The following DDI2 variants were observed in gnomAD, a reference collection of about 807,000 sequenced individuals.
DDI2 encodes the protein protein DDI1 homolog 2.
Under a neutral mutation model 48.1 loss-of-function variants are expected in DDI2, and 5 were observed. The ratio of observed to expected loss-of-function variants is 0.10; its 90% confidence interval spans 0.05 to 0.22. The LOEUF is 0.22. Among genes scored for constraint, DDI2 ranks in the 10% least tolerant of loss-of-function variants. DDI2 has a pLI of 1.00. For synonymous variants in DDI2, 205 were observed against 183.6 expected, an observed-to-expected ratio of 1.12 and a Z score of -0.94; for missense variants, 285 against 506.2, an observed-to-expected ratio of 0.56 and a Z score of 4.19.
chr1:15,667,821 T>G lies in DDI2; in HGVS notation c.*8031T>G, dbSNP rs1325448291. 6.6e-6 allele frequency: 1 copy of G among 152,226 alleles called. No homozygotes were observed. The highest frequency in any genetic ancestry group is 1.5e-5 in the Non-Finnish European group (1 of 68,038). The allele number at this position is 152,226 out of a possible 1,614,324, so 9.4% of individuals were successfully genotyped here. A position where few individuals can be genotyped will look rare whatever the true frequency, so the allele number is the denominator to read the frequency against. ...TTCTCAAAGGTTTATCAGTTATGTA[T>G]TGATGATTGGTAATCTAGACCCTCT... On this transcript the variant is annotated 3_prime_UTR_variant, in exon 10 of 10. Transcript: ENST00000480945.
rs1288336656 is a variant in DDI2 at position 15,665,310 on chromosome 1, G to A, written c.*5520G>A. 1.3e-5 allele frequency: 2 copies of A among 151,812 alleles called. No homozygotes were observed. Among genetic ancestry groups the A allele is most frequent in the African/African-American group, 4.9e-5 (2 of 40,970 alleles). 9.4% of individuals were successfully genotyped at this position (151,812 alleles called of 1,614,324 possible). A position where few individuals can be genotyped will look rare whatever the true frequency, so the allele number is the denominator to read the frequency against. On this transcript the variant is annotated 3_prime_UTR_variant, in exon 10 of 10. Transcript: ENST00000480945. ...ACCAGTTGCTTGGCAAAGGAAGCTG[G>A]AGAGATGGCGAGTGCATGTGTTAAA...
At chr1:15,637,678 A>G (rs1316787315) in intron 4 of DDI2, among the ~76,000 whole-genome samples, 1 of 152,200 alleles carries the variant, frequency 6.6e-6, no homozygotes, top group African/African-American at 2.4e-5. Flanking sequence ...AGCATGTTGA[A>G]TTTTTAAACA....
At chr1:15,633,629 T>C in intron 4 of DDI2, 64 bp downstream of exon 4, 1 of 1,592,864 alleles carries the variant, frequency 6.3e-7, no homozygotes, top group Non-Finnish European at 8.6e-7. Flanking sequence ...CTGCAGGTTA[T>C]CTGACATTGG....
intron 8 of DDI2, among the ~76,000 whole-genome samples, chr1:15,653,394 C>T (rs1023289058): frequency 6.6e-6 from 1 of 151,976 alleles, no homozygotes; most frequent in Non-Finnish European, 1.5e-5. Context: ...CAGATCCTCT[C>T]GCCTCCGCCT....
At chr1:15,645,205 T>C (rs1640071823) in intron 6 of DDI2, among the ~76,000 whole-genome samples, 1 of 152,262 alleles carries the variant, frequency 6.6e-6, no homozygotes, top group South Asian at 2.1e-4. Flanking sequence ...TTTTTCTTCT[T>C]TGAAGCTTGT....
chr1:15,624,699 G>A (rs1219403153), intron 1 of DDI2, among the ~76,000 whole-genome samples: 3 of 151,962 alleles, frequency 2.0e-5, no homozygotes, highest in Non-Finnish European at 2.9e-5. Context: ...CAAACTCCAG[G>A]GCTTAACCCA....
chr1:15,654,083 T>G (rs1640233840), intron 8 of DDI2, among the ~76,000 whole-genome samples: 1 of 152,224 alleles, frequency 6.6e-6, no homozygotes, highest in Non-Finnish European at 1.5e-5. Flanking sequence ...TACAGTCTTG[T>G]GCTGGCATTA....
intron 4 of DDI2, among the ~76,000 whole-genome samples, chr1:15,638,078 G>A (rs1308785654): frequency 6.6e-6 from 1 of 152,136 alleles, no homozygotes; most frequent in African/African-American, 2.4e-5. Context: ...GCGGCTTAGT[G>A]TTTTACAAAG....
At chr1:15,656,792 T>G in intron 9 of DDI2, 113 bp downstream of exon 9, 2 of 1,483,910 alleles carry the variant, frequency 1.3e-6, no homozygotes, top group Non-Finnish European at 1.8e-6. Context: ...TTCACCTTGT[T>G]CAATCTGGTT....
chr1:15,643,993 T>C (rs998180630), intron 6 of DDI2, among the ~76,000 whole-genome samples: 5 of 152,232 alleles, frequency 3.3e-5, no homozygotes, highest in Non-Finnish European at 7.3e-5. Flanking sequence ...CATATGACTG[T>C]GTTTGAGAGC....
At position 15,660,040 on chromosome 1, in the gene DDI2, G is replaced by C; in HGVS notation, c.*250G>C. ...ACCTAAAGCTGTGAAGGCTTTGAAGGCTTCAGCTGAATTCCAGCTAAACTC... is the reference window on the plus strand; with the variant it reads ...ACCTAAAGCTGTGAAGGCTTTGAAGCCTTCAGCTGAATTCCAGCTAAACTC... On this transcript the variant is annotated 3_prime_UTR_variant, in exon 10 of 10. Coordinates refer to ENST00000480945, the MANE Select transcript of DDI2 (RefSeq NM_032341.5). 1 of 1,614,002 alleles carries C rather than the reference G, an allele frequency of 6.2e-7. No homozygotes were observed. Among genetic ancestry groups the C allele is most frequent in the Non-Finnish European group, 8.5e-7 (1 of 1,179,990 alleles).
intron 8 of DDI2, among the ~76,000 whole-genome samples, chr1:15,653,512 A>G (rs1296201299): frequency 6.6e-6 from 1 of 152,130 alleles, no homozygotes; most frequent in Non-Finnish European, 1.5e-5. Context: ...AAGACAGAAG[A>G]ACCAACAAAA....
Position 15,617,823 on chromosome 1 carries a change from GAGCCGGGCCTGCCCCGGAGCTA to G in DDI2, c.138+20_138+41del. 6.3e-7 allele frequency: 1 copy of G among 1,578,878 alleles called. No homozygotes were observed. Among genetic ancestry groups the G allele is most frequent in the South Asian group, 1.1e-5 (1 of 88,014 alleles). On this transcript the variant is annotated intron_variant, in intron 1 of 9. Coordinates refer to ENST00000480945, the MANE Select transcript of DDI2 (RefSeq NM_032341.5). ...CCGAGAGCCAGGTACGCCGGGCAGC[GAGCCGGGCCTGCCCCGGAGCTA>G]AGCCCTCCCCGCCTCGGGGCCTCAC...
intron 3 of DDI2, 84 bp from the exon 4 acceptor site, chr1:15,633,355 T>G: frequency 6.7e-7 from 1 of 1,495,330 alleles, no homozygotes; most frequent in Non-Finnish European, 9.1e-7. Context: ...CAGATGTAGT[T>G]TGATAAATTG....
chr1:15,656,636 C>T lies in DDI2; in HGVS notation c.*3C>T, dbSNP rs368678745. 1 of 1,614,032 alleles carries T rather than the reference C, an allele frequency of 6.2e-7. No homozygotes were observed. Among genetic ancestry groups the T allele is most frequent in the African/African-American group, 1.3e-5 (1 of 74,916 alleles). On this transcript the variant is annotated 3_prime_UTR_variant, in exon 9 of 10. Coordinates refer to ENST00000480945, the MANE Select transcript of DDI2 (RefSeq NM_032341.5). ...ACACAGAGCGTCAGAAGCCATGATGCATGTAGTGTGTGTGTACTGCAGCTG... is the reference window on the plus strand; with the variant it reads ...ACACAGAGCGTCAGAAGCCATGATGTATGTAGTGTGTGTGTACTGCAGCTG...
Position 15,661,793 on chromosome 1 carries a change from C to G in DDI2, c.*2003C>G. 1 of 1,491,404 alleles carries G rather than the reference C, an allele frequency of 6.7e-7. No homozygotes were observed. The highest frequency in any genetic ancestry group is 8.9e-7 in the Non-Finnish European group (1 of 1,119,608). 92.4% of individuals were successfully genotyped at this position (1,491,404 alleles called of 1,614,324 possible). On this transcript the variant is annotated 3_prime_UTR_variant, in exon 10 of 10. Coordinates refer to ENST00000480945, the MANE Select transcript of DDI2 (RefSeq NM_032341.5). ...AGAAAGCTCTCTCTATATACACGCA[C>G]ACATACACACTCACCACATATACAG...
At chr1:15,634,314 T>C (rs1639893157) in intron 4 of DDI2, 1 of 152,642 alleles carries the variant, frequency 6.6e-6, no homozygotes, top group South Asian at 2.1e-4. Context: ...AAAGGACAGC[T>C]GCTTTTCCTG....
chr1:15,650,456 G>A (rs7536923), intron 7 of DDI2, among the ~76,000 whole-genome samples: 2,849 of 152,196 alleles, frequency 0.019, 86 homozygotes, highest in African/African-American at 0.066. Context: ...TTTATATCCA[G>A]TCAACCTGCC....
chr1:15,631,245 A>C (rs1327260730), intron 3 of DDI2, among the ~76,000 whole-genome samples: 1 of 152,250 alleles, frequency 6.6e-6, no homozygotes, highest in Non-Finnish European at 1.5e-5. Context: ...CTGTATGGCA[A>C]AATGGAATCA....
Sources: allele counts gnomAD v4.1 joint callset (sites outside exome capture counted in the v4.1 genomes callset), GRCh38; gene constraint gnomAD v4.1.1; transcripts MANE v1.5; gene names NCBI Gene and HGNC (gene_info 2026-07-23, HGNC 2026-07-21).